The following AP3S1 variants were observed in gnomAD, a reference collection of about 807,000 sequenced individuals.
AP3S1 encodes the protein AP-3 complex subunit sigma-1.
AP3S1 carries 12 observed loss-of-function variants against 21.3 expected under a neutral mutation model. That is an observed-to-expected ratio of 0.56 (90% CI 0.36 to 0.91). AP3S1 has a LOEUF of 0.91. Among genes scored for constraint, AP3S1 ranks in the 40% least tolerant of loss-of-function variants. The pLI is 0.01. For missense variants in AP3S1, 116 were observed against 225.0 expected (o/e 0.52, Z 3.10); for synonymous variants, 48 against 78.4 (o/e 0.61, Z 2.05).
chr5:115,861,703 C>T (rs1260162167), intron 1 of AP3S1, among the ~76,000 whole-genome samples: 2 of 151,766 alleles, frequency 1.3e-5, no homozygotes, highest in African/African-American at 2.4e-5. Flanking sequence ...TACAGACATG[C>T]ACTACCATGC....
chr5:115,898,292 G>A (rs940008770), intron 4 of AP3S1, among the ~76,000 whole-genome samples: 1 of 152,140 alleles, frequency 6.6e-6, no homozygotes, highest in African/African-American at 2.4e-5. Context: ...TTTCTATGTG[G>A]CCAGCTGCCC....
intron 3 of AP3S1, among the ~76,000 whole-genome samples, chr5:115,883,819 T>C (rs373684751): frequency 1.4e-3 from 212 of 152,354 alleles, no homozygotes; most frequent in African/African-American, 4.7e-3. Flanking sequence ...TGACAATTTA[T>C]ATCAATATGA....
chr5:115,901,548 G>A (rs1329391508), intron 4 of AP3S1, among the ~76,000 whole-genome samples: 1 of 150,902 alleles, frequency 6.6e-6, no homozygotes, highest in Non-Finnish European at 1.5e-5. Flanking sequence ...AGTAAATAAT[G>A]ATGACTTTTT....
At chr5:115,882,685 C>T (rs935112360) in intron 3 of AP3S1, among the ~76,000 whole-genome samples, 1 of 152,082 alleles carries the variant, frequency 6.6e-6, no homozygotes, top group African/African-American at 2.4e-5. Context: ...GGTCAGGGAC[C>T]CGCTTGAGGA....
rs370353259 is a variant in AP3S1, at chr5:115,859,592, A to G, written c.70-7078A>G. On this transcript the variant is annotated intron_variant, in intron 1 of 5. Coordinates refer to ENST00000316788, the MANE Select transcript of AP3S1 (RefSeq NM_001284.4). ...AGTAGGCTTTCATGCCAGCTCTGGC[A>G]TACCACTGTAACTACTAGCCACATT... 1.1e-4 allele frequency among the ~76,000 whole-genome samples: 17 copies of G among 152,358 alleles called. No individual in the cohort carries two copies. In the East Asian group the frequency reaches 1.7e-3, roughly 16 times the overall value.
In AP3S1 at chr5:115,841,957, G is replaced by A. The variant is rs1173633155; in HGVS notation, c.-81G>A. Reference sequence around the variant, plus strand: ...GGGAGGGGGCGGGTGGGGAAGGATCGCAGGCGAGATTACGAGGCGAGGCTC... The same window carrying A: ...GGGAGGGGGCGGGTGGGGAAGGATCACAGGCGAGATTACGAGGCGAGGCTC... On this transcript the variant is annotated 5_prime_UTR_variant, in exon 1 of 6. Transcript: ENST00000316788. 7 of 1,512,198 alleles carry A rather than the reference G, an allele frequency of 4.6e-6. No individual in the cohort carries two copies. In the South Asian group the frequency reaches 5.0e-5, roughly 11 times the overall value. 93.7% of individuals were successfully genotyped at this position (1,512,198 alleles called of 1,614,324 possible). A position where few individuals can be genotyped will look rare whatever the true frequency, so the allele number is the denominator to read the frequency against.
chr5:115,899,065 T>C (rs1236856781), intron 4 of AP3S1, among the ~76,000 whole-genome samples: 1 of 152,188 alleles, frequency 6.6e-6, no homozygotes, highest in Non-Finnish European at 1.5e-5. Context: ...ATATACTCTA[T>C]TCTCCTCTCT....
chr5:115,864,125 G>C (rs1464985009), intron 1 of AP3S1, among the ~76,000 whole-genome samples: 1 of 152,210 alleles, frequency 6.6e-6, no homozygotes, highest in Non-Finnish European at 1.5e-5. Flanking sequence ...TCAGGTTTAT[G>C]ATGAGGACTA....
At chr5:115,843,744 G>A (rs965746835) in intron 1 of AP3S1, among the ~76,000 whole-genome samples, 3 of 152,208 alleles carry the variant, frequency 2.0e-5, no homozygotes, top group Admixed American at 1.3e-4. Flanking sequence ...GCTAATCCAT[G>A]TAATCGGTGT....
chr5:115,907,836 C>T (rs113699316), intron 5 of AP3S1, among the ~76,000 whole-genome samples: 22 of 151,984 alleles, frequency 1.4e-4, no homozygotes, highest in African/African-American at 5.1e-4. Flanking sequence ...GTTCCATGTA[C>T]GTGGTGATGA....
intron 3 of AP3S1, among the ~76,000 whole-genome samples, chr5:115,880,354 C>T (rs1269057199): frequency 6.6e-6 from 1 of 152,142 alleles, no homozygotes; most frequent in Non-Finnish European, 1.5e-5. Flanking sequence ...TGAATTTCCA[C>T]TGAAACACTG....
intron 3 of AP3S1, among the ~76,000 whole-genome samples, chr5:115,887,736 T>G (rs1161305583): frequency 2.6e-5 from 4 of 152,150 alleles, no homozygotes; most frequent in African/African-American, 9.7e-5. Flanking sequence ...TTGCCCTGGA[T>G]CTCAGAGTTA....
At chr5:115,853,937 C>T (rs965161763) in intron 1 of AP3S1, among the ~76,000 whole-genome samples, 1 of 152,040 alleles carries the variant, frequency 6.6e-6, no homozygotes, top group Non-Finnish European at 1.5e-5. Context: ...TTTTTTGCTT[C>T]TATAACAGAA....
chr5:115,858,159 CTTTG>C (rs1422864841), intron 1 of AP3S1, among the ~76,000 whole-genome samples: 1 of 152,116 alleles, frequency 6.6e-6, no homozygotes, highest in African/African-American at 2.4e-5. Context: ...TGCTTCATTT[CTTTG>C]TTTACTATCC....
intron 3 of AP3S1, among the ~76,000 whole-genome samples, chr5:115,892,444 TGTG>T (rs1750390364): frequency 6.6e-6 from 1 of 152,194 alleles, no homozygotes; most frequent in Non-Finnish European, 1.5e-5. Flanking sequence ...ATAAAGAAAA[TGTG>T]GTACATATAC....
chr5:115,883,964 A>G (rs529704086), intron 3 of AP3S1, among the ~76,000 whole-genome samples: 3 of 152,208 alleles, frequency 2.0e-5, no homozygotes, highest in East Asian at 3.8e-4. Context: ...TAAATTCAAC[A>G]TACAAATCAA....
At chr5:115,852,571 C>T (rs2112785199) in intron 1 of AP3S1, among the ~76,000 whole-genome samples, 1 of 152,176 alleles carries the variant, frequency 6.6e-6, no homozygotes, top group Non-Finnish European at 1.5e-5. Flanking sequence ...AAGTTTAGAT[C>T]ATTTTTGTCA....
chr5:115,887,940 C>G (rs1345994184), intron 3 of AP3S1, among the ~76,000 whole-genome samples: 1 of 151,960 alleles, frequency 6.6e-6, no homozygotes, highest in Non-Finnish European at 1.5e-5. Context: ...AAGGAGGACT[C>G]TTTATATTTG....
chr5:115,847,620 C>A (rs1399566218), intron 1 of AP3S1, among the ~76,000 whole-genome samples: 1 of 151,448 alleles, frequency 6.6e-6, no homozygotes, highest in Non-Finnish European at 1.5e-5. Context: ...CCTGTCTCAA[C>A]AAATTTAAAA....
Sources: allele counts gnomAD v4.1 joint callset (sites outside exome capture counted in the v4.1 genomes callset), GRCh38; gene constraint gnomAD v4.1.1; transcripts MANE v1.5; gene names NCBI Gene and HGNC (gene_info 2026-07-23, HGNC 2026-07-21).